PEX7: variants seen among roughly 807,000 people sequenced by gnomAD.
PEX7 encodes PTS2 receptor.
Under a neutral mutation model 47.5 loss-of-function variants are expected in PEX7, and 34 were observed. The ratio of observed to expected loss-of-function variants is 0.72; its 90% CI spans 0.54 to 0.95. The LOEUF (loss-of-function observed/expected upper bound fraction) is 0.95, where lower values mean the gene tolerates loss of function less well. PEX7 is among the 40% of genes least tolerant of loss of function. The pLI is 0.00. For missense variants in PEX7, 394 were observed against 400.3 expected (o/e 0.98, Z 0.13); for synonymous variants, 141 against 148.8 (o/e 0.95, Z 0.38).
rs1774596443 is a variant in PEX7 at position 136,846,181 on chromosome 6, G to A, written c.526G>A (p.Gly176Ser). 6.3e-7 allele frequency: 1 copy of A among 1,591,798 alleles called. No individual in the cohort carries two copies. The highest frequency in any genetic ancestry group is 8.6e-7 in the Non-Finnish European group (1 of 1,160,260). Reference sequence around the variant, plus strand: ...CCCTGGTTGTTTTGCTTCAGCCTCAGGTAAATTATTCTGTATTTACCAAAA... The same window carrying A: ...CCCTGGTTGTTTTGCTTCAGCCTCAAGTAAATTATTCTGTATTTACCAAAA... Reference protein sequence around the residue: ...HIPGCFASASGDQTLRIWDVK... With the variant: ...HIPGCFASASSDQTLRIWDVK... The change falls in exon 5 of 10, where the codon GGT becomes AGT. Residue 176 changes from glycine (G) to serine (S), a missense_variant and splice_region_variant. By Grantham distance (56) the Gly-to-Ser change is moderately conservative. Coordinates refer to ENST00000318471, the MANE Select transcript of PEX7 (RefSeq NM_000288.4).
At chr6:136,889,782 T>C (rs1775524706) in intron 8 of PEX7, among the ~76,000 whole-genome samples, 2 of 152,186 alleles carry the variant, frequency 1.3e-5, no homozygotes, top group South Asian at 2.1e-4. Context: ...AGTAAAACAT[T>C]AGAAGAAGCA....
intron 3 of PEX7, among the ~76,000 whole-genome samples, chr6:136,844,366 G>C (rs564904562): frequency 4.1e-5 from 5 of 122,460 alleles, no homozygotes; most frequent in Non-Finnish European, 5.7e-5. Context: ...GCAAGACCCT[G>C]TTTTGGAAAA....
At chr6:136,857,839 T>C (rs988923664) in intron 5 of PEX7, among the ~76,000 whole-genome samples, 1 of 152,214 alleles carries the variant, frequency 6.6e-6, no homozygotes, top group African/African-American at 2.4e-5. Flanking sequence ...CTCTTTTTTT[T>C]TGAGACAGGG....
At chr6:136,848,212 C>T (rs896141220) in intron 5 of PEX7, among the ~76,000 whole-genome samples, 2 of 152,180 alleles carry the variant, frequency 1.3e-5, no homozygotes, top group African/African-American at 2.4e-5. Context: ...TGAGACTTTG[C>T]TGAAGCTGCT....
intron 5 of PEX7, among the ~76,000 whole-genome samples, chr6:136,863,303 A>T (rs1483190301): frequency 6.6e-6 from 1 of 152,144 alleles, no homozygotes; most frequent in Non-Finnish European, 1.5e-5. Context: ...TGAGCAAGGA[A>T]TGAGGTGCTA....
At chr6:136,868,965 G>A (rs775486859) in intron 6 of PEX7, among the ~76,000 whole-genome samples, 1 of 152,202 alleles carries the variant, frequency 6.6e-6, no homozygotes, top group Admixed American at 6.5e-5. Flanking sequence ...TGGAAACAAT[G>A]ATTAATTTAG....
rs1379741921 is a variant in PEX7, at chr6:136,850,689, G to A, written c.526+4508G>A. On this transcript the variant is annotated intron_variant, in intron 5 of 9. Transcript: ENST00000318471. The stretch of plus-strand genomic sequence containing the variant: ...TTTGAAAGAGAAGGTCTTGAGTTTT[G>A]TTTTACAACACTGTTTCAGAACCTG... Among the ~76,000 whole-genome samples, 6 of 152,142 alleles carry A rather than the reference G, an allele frequency of 3.9e-5. No individual in the cohort carries two copies. The East Asian group carries it at 9.6e-4, about 24-fold the overall frequency.
At chr6:136,889,769 T>C (rs908075678) in intron 8 of PEX7, among the ~76,000 whole-genome samples, 1 of 152,288 alleles carries the variant, frequency 6.6e-6, no homozygotes, top group South Asian at 2.1e-4. Context: ...TTTAGAAATA[T>C]AGAGTAAAAC....
At chr6:136,877,218 C>CAGATGGATAA (rs1775292102) in intron 8 of PEX7, among the ~76,000 whole-genome samples, 1 of 151,554 alleles carries the variant, frequency 6.6e-6, no homozygotes, top group Admixed American at 6.6e-5. Context: ...ATATTAGCCC[C>CAGATGGATAA]TTGTGAGATG....
intron 8 of PEX7, among the ~76,000 whole-genome samples, chr6:136,888,975 G>A (rs1430769679): frequency 6.6e-6 from 1 of 152,046 alleles, no homozygotes; most frequent in Non-Finnish European, 1.5e-5. Context: ...GGACCATCGC[G>A]TTTGTTAACT....
chr6:136,823,154 G>A lies in PEX7; in HGVS notation c.130+359G>A, dbSNP rs928534671. The A allele has an allele frequency of 1.0e-5, 10 of 985,272 alleles. No homozygotes were observed. In the African/African-American group the frequency reaches 1.6e-4, roughly 15 times the overall value. 61.0% of individuals were successfully genotyped at this position (985,272 alleles called of 1,614,324 possible). A position where few individuals can be genotyped will look rare whatever the true frequency, so the allele number is the denominator to read the frequency against. ...GCGGTCCCTTGGATCGGTCCGCTCG[G>A]CACAGCAGTACGGGGAAGACGGTCT... On this transcript the variant is annotated intron_variant, in intron 1 of 9. Transcript: ENST00000318471.
chr6:136,823,594 AAAG>A lies in PEX7; in HGVS notation c.130+802_130+804del, dbSNP rs1164421439. 5.3e-5 allele frequency among the ~76,000 whole-genome samples: 8 copies of A among 152,194 alleles called. No homozygotes were observed. The East Asian group carries it at 1.5e-3, about 29-fold the overall frequency. ...GTGACAGACTGAGACCCCGTCTTAAAAAGAAAAAAGGCCAAGCGCCGTGCGGTG... is the reference window on the plus strand; with the variant it reads ...GTGACAGACTGAGACCCCGTCTTAAAAAAAAAGGCCAAGCGCCGTGCGGTG... On this transcript the variant is annotated intron_variant, in intron 1 of 9. Coordinates refer to ENST00000318471, the MANE Select transcript of PEX7 (RefSeq NM_000288.4).
chr6:136,888,930 A>C (rs1775511932), intron 8 of PEX7, among the ~76,000 whole-genome samples: 1 of 152,150 alleles, frequency 6.6e-6, no homozygotes, highest in South Asian at 2.1e-4. Context: ...GTCAGCACTG[A>C]CTGACTAATA....
intron 8 of PEX7, among the ~76,000 whole-genome samples, chr6:136,878,639 T>C (rs781425380): frequency 1.2e-4 from 18 of 152,238 alleles, no homozygotes; most frequent in Non-Finnish European, 1.8e-4. Context: ...ACCTTTATTT[T>C]TAAACAGTTT....
In PEX7 at chr6:136,913,592, A is replaced by G. The variant is rs1411629023; in HGVS notation, c.*66A>G. On this transcript the variant is annotated 3_prime_UTR_variant, in exon 10 of 10. Coordinates refer to ENST00000318471, the MANE Select transcript of PEX7 (RefSeq NM_000288.4). ...GAACTGCCTAACAGCAAATAAATTA[A>G]CTATGGAAAACATAGACATTATGCT... 3 of 993,320 alleles carry G rather than the reference A, an allele frequency of 3.0e-6. No individual in the cohort carries two copies. Among genetic ancestry groups the G allele is most frequent in the Non-Finnish European group, 4.9e-6 (3 of 616,112 alleles). 61.5% of individuals were successfully genotyped at this position (993,320 alleles called of 1,614,324 possible). A position where few individuals can be genotyped will look rare whatever the true frequency, so the allele number is the denominator to read the frequency against.
intron 8 of PEX7, among the ~76,000 whole-genome samples, chr6:136,880,205 A>G (rs1304259595): frequency 6.6e-6 from 1 of 151,920 alleles, no homozygotes; most frequent in Admixed American, 6.6e-5. Flanking sequence ...GTGTGTTTTT[A>G]AAAATAAATA....
At chr6:136,864,578 T>C (rs1775024486) in intron 5 of PEX7, among the ~76,000 whole-genome samples, 1 of 152,236 alleles carries the variant, frequency 6.6e-6, no homozygotes, top group Admixed American at 6.5e-5. Flanking sequence ...TTATCTTTCT[T>C]AAGCAACTTC....
In PEX7 at chr6:136,903,776, C is replaced by G. The variant is rs1775793876; in HGVS notation, c.903+5535C>G. On this transcript the variant is annotated intron_variant, in intron 9 of 9. Transcript: ENST00000318471. ...CTGGGTGCAAACGATCCTCCCATCT[C>G]AAGCCTCCACTCCCACCCTACCCTA... 2.0e-5 allele frequency among the ~76,000 whole-genome samples: 3 copies of G among 151,806 alleles called. No individual in the cohort carries two copies. The East Asian group carries it at 5.8e-4, about 29-fold the overall frequency.
intron 5 of PEX7, among the ~76,000 whole-genome samples, chr6:136,861,937 C>T (rs1030477884): frequency 6.9e-6 from 1 of 144,220 alleles, no homozygotes; most frequent in African/African-American, 2.5e-5. Context: ...ACATCCACGT[C>T]ACCCTGCATT....
Sources: gnomAD v4.1 joint callset for allele counts (sites outside exome capture counted in the v4.1 genomes callset) on GRCh38, gnomAD v4.1.1 for gene constraint, MANE v1.5 for transcripts, NCBI Gene and HGNC (gene_info 2026-07-23, HGNC 2026-07-21) for gene names.